Variants in TAFA1 observed in about 807,000 individuals in gnomAD.
TAFA1 encodes the protein TAFA chemokine like family member 1.
A neutral mutation model predicts 18.5 loss-of-function variants in TAFA1; 4 were observed. That is an observed-to-expected ratio of 0.22 (90% CI 0.11 to 0.49). The LOEUF is 0.49. TAFA1 is among the 20% of genes least tolerant of loss of function. TAFA1 has a pLI of 0.98. For missense variants in TAFA1, 147 were observed against 169.0 expected (o/e 0.87, Z 0.72); for synonymous variants, 56 against 55.2 (o/e 1.01, Z -0.06).
At chr3:68,156,949 A>G (rs2065874274) in intron 2 of TAFA1, among the ~76,000 whole-genome samples, 1 of 152,196 alleles carries the variant, frequency 6.6e-6, no homozygotes, top group Non-Finnish European at 1.5e-5. Context: ...TTCTGTCGCC[A>G]ATAACCACTG....
intron 2 of TAFA1, among the ~76,000 whole-genome samples, chr3:68,263,990 T>G (rs943294855): frequency 6.6e-6 from 1 of 152,098 alleles, no homozygotes; most frequent in Non-Finnish European, 1.5e-5. Flanking sequence ...CTCATTTCGG[T>G]CAAAATAAAG....
chr3:68,300,737 G>A (rs1206320376), intron 2 of TAFA1, among the ~76,000 whole-genome samples: 1 of 152,048 alleles, frequency 6.6e-6, no homozygotes, highest in African/African-American at 2.4e-5. Context: ...TTGAATCATG[G>A]GTGCAGTTTC....
chr3:68,253,225 T>A (rs1277343668), intron 2 of TAFA1, among the ~76,000 whole-genome samples: 1 of 152,236 alleles, frequency 6.6e-6, no homozygotes, highest in Non-Finnish European at 1.5e-5. Flanking sequence ...TAGCACTCGA[T>A]AAAGGTTACC....
intron 2 of TAFA1, among the ~76,000 whole-genome samples, chr3:68,162,058 CT>C (rs2065931343): frequency 6.6e-6 from 1 of 152,196 alleles, no homozygotes; most frequent in Non-Finnish European, 1.5e-5. Flanking sequence ...TACTCTTTGG[CT>C]CTTTATAGAA....
At chr3:68,031,599 C>T (rs953996363) in intron 2 of TAFA1, among the ~76,000 whole-genome samples, 9 of 152,154 alleles carry the variant, frequency 5.9e-5, no homozygotes, top group African/African-American at 2.2e-4. Flanking sequence ...ATCGTCATTT[C>T]CATTTGCTGA....
intron 3 of TAFA1, among the ~76,000 whole-genome samples, chr3:68,502,292 C>G (rs545658163): frequency 6.1e-4 from 93 of 152,094 alleles, no homozygotes; most frequent in African/African-American, 2.1e-3. Context: ...TATAATTACT[C>G]TTTTTATTGC....
chr3:68,096,344 G>A (rs1004327656), intron 2 of TAFA1, among the ~76,000 whole-genome samples: 1 of 151,900 alleles, frequency 6.6e-6, no homozygotes, highest in African/African-American at 2.4e-5. Flanking sequence ...TGGACACTTA[G>A]GTTATTCCAT....
chr3:68,182,525 G>T (rs967852695), intron 2 of TAFA1, among the ~76,000 whole-genome samples: 4 of 152,074 alleles, frequency 2.6e-5, no homozygotes, highest in South Asian at 2.1e-4. Flanking sequence ...ATTGTACCAG[G>T]TTATTGCTTC....
intron 2 of TAFA1, among the ~76,000 whole-genome samples, chr3:68,188,922 A>C (rs1575669227): frequency 6.6e-6 from 1 of 151,804 alleles, no homozygotes; most frequent in East Asian, 1.9e-4. Flanking sequence ...CCAGGTGTGC[A>C]CTTTGAATGG....
intron 2 of TAFA1, among the ~76,000 whole-genome samples, chr3:68,262,756 T>C (rs2107202458): frequency 6.6e-6 from 1 of 152,282 alleles, no homozygotes; most frequent in South Asian, 2.1e-4. Flanking sequence ...AGTGTGTGTG[T>C]CTTTTTAGCA....
At chr3:68,329,554 T>C (rs564181403) in intron 2 of TAFA1, among the ~76,000 whole-genome samples, 8 of 152,304 alleles carry the variant, frequency 5.3e-5, no homozygotes, top group Non-Finnish European at 1.0e-4. Context: ...GCCACAGTTC[T>C]TGACTATCAG....
intron 3 of TAFA1, among the ~76,000 whole-genome samples, chr3:68,462,290 C>A (rs989683464): frequency 2.6e-5 from 4 of 152,156 alleles, no homozygotes; most frequent in African/African-American, 9.6e-5. Context: ...TCCTACATGG[C>A]GCGGGATGGA....
rs529514862 is a variant in TAFA1 at position 68,506,004 on chromosome 3, C to T, written c.260-32752C>T. 1.3e-4 allele frequency among the ~76,000 whole-genome samples: 20 copies of T among 152,044 alleles called. No individual in the cohort carries two copies. In the East Asian group the frequency reaches 2.7e-3, roughly 21 times the overall value. Reference sequence around the variant, plus strand: ...GCTGCACCCATCAACCCGTCATCTACATGAGGTTATTTCTCCTAATGCTAT... The same window carrying T: ...GCTGCACCCATCAACCCGTCATCTATATGAGGTTATTTCTCCTAATGCTAT... On this transcript the variant is annotated intron_variant, in intron 3 of 4. Transcript: ENST00000478136.
At chr3:68,359,098 G>C (rs1276601811) in intron 2 of TAFA1, among the ~76,000 whole-genome samples, 2 of 152,012 alleles carry the variant, frequency 1.3e-5, no homozygotes, top group Non-Finnish European at 2.9e-5. Context: ...TCTTGGGCCA[G>C]ATATCATATT....
In TAFA1 at chr3:68,058,733, A is replaced by T. The variant is rs113708190; in HGVS notation, c.118+51989A>T. 2.0e-3 allele frequency among the ~76,000 whole-genome samples: 301 copies of T among 152,288 alleles called. 2 individuals carry two copies. Among genetic ancestry groups the T allele is most frequent in the African/African-American group, 6.8e-3 (281 of 41,568 alleles). On this transcript the variant is annotated intron_variant, in intron 2 of 4. Coordinates refer to ENST00000478136, the MANE Select transcript of TAFA1 (RefSeq NM_213609.4). Reference sequence around the variant, plus strand: ...CAACTGGCTGCTGCTTGTTGAACAGAGTTGTATACTGATACCTGTTTTCAG... The same window carrying T: ...CAACTGGCTGCTGCTTGTTGAACAGTGTTGTATACTGATACCTGTTTTCAG...
chr3:68,095,903 C>G (rs1027045642), intron 2 of TAFA1, among the ~76,000 whole-genome samples: 3 of 152,120 alleles, frequency 2.0e-5, no homozygotes, highest in African/African-American at 7.2e-5. Flanking sequence ...ATGATCAAGT[C>G]ATGGTAGATA....
chr3:68,450,322 C>T (rs983283091), intron 3 of TAFA1, among the ~76,000 whole-genome samples: 5 of 152,142 alleles, frequency 3.3e-5, no homozygotes, highest in African/African-American at 1.2e-4. Context: ...CTGTTGTGAA[C>T]ATGTTGAGCT....
At chr3:68,003,053 A>G (rs1321069146), upstream of TAFA1, among the ~76,000 whole-genome samples, 1 of 152,238 alleles carries the variant, frequency 6.6e-6, no homozygotes, top group African/African-American at 2.4e-5. Context: ...TGAAACATGC[A>G]ACACCAACTA....
At chr3:68,408,713 A>G (rs1427984870) in intron 2 of TAFA1, among the ~76,000 whole-genome samples, 1 of 152,152 alleles carries the variant, frequency 6.6e-6, no homozygotes. Flanking sequence ...CACAAGAGAT[A>G]AAGAATTAAA....
Sources: gnomAD v4.1 joint callset for allele counts (sites outside exome capture counted in the v4.1 genomes callset) on GRCh38, gnomAD v4.1.1 for gene constraint, MANE v1.5 for transcripts, NCBI Gene and HGNC (gene_info 2026-07-23, HGNC 2026-07-21) for gene names.